CRYBG3: variants seen among roughly 807,000 people sequenced by gnomAD.
CRYBG3 encodes the protein very large A-kinase anchor protein.
Under a neutral mutation model 244.2 loss-of-function variants are expected in CRYBG3, and 127 were observed. That is an observed-to-expected ratio of 0.52 (90% confidence interval 0.45 to 0.60). CRYBG3 has a LOEUF of 0.60. Among genes scored for constraint, CRYBG3 ranks in the 20% least tolerant of loss-of-function variants. CRYBG3 has a pLI of 0.00. For missense variants in CRYBG3, 3,325 were observed against 3,442.5 expected, an observed-to-expected ratio of 0.97 and a Z score of 0.85; for synonymous variants, 1,132 against 1,195.8, an observed-to-expected ratio of 0.95 and a Z score of 1.10.
chr3:97,892,765 AT>A (rs1261135786), intron 10 of CRYBG3, 94 bp from the exon 11 acceptor site: 24 of 579,004 alleles, frequency 4.1e-5, no homozygotes, highest in African/African-American at 1.6e-4. Flanking sequence ...TTAAAAAAAA[AT>A]AGATAGTAGT....
chr3:97,943,157 G>T, intron 21 of CRYBG3, 69 bp from the exon 22 acceptor site: 1 of 840,092 alleles, frequency 1.2e-6, no homozygotes, highest in Non-Finnish European at 2.0e-6. Flanking sequence ...ACAGAAGCTT[G>T]TGAAAATTGT....
chr3:97,900,527 A>G, intron 15 of CRYBG3, 42 bp downstream of exon 15: 1 of 1,228,986 alleles, frequency 8.1e-7, no homozygotes. Flanking sequence ...ATTGTTTACT[A>G]AAAGCATTTA....
At chr3:97,905,896 T>A (rs1408369643) in intron 15 of CRYBG3, among the ~76,000 whole-genome samples, 1 of 144,078 alleles carries the variant, frequency 6.9e-6, no homozygotes, top group Non-Finnish European at 1.5e-5. Flanking sequence ...TTTAAGTCTT[T>A]AATCCATCTT....
chr3:97,871,953 C>G lies in CRYBG3; in HGVS notation c.759C>G (p.Thr253=). Residue 253 remains threonine, a synonymous_variant, in exon 4 of 22, where the codon ACC becomes ACG. Coordinates refer to ENST00000389622, the MANE Select transcript of CRYBG3 (RefSeq NM_153605.4). ...AGACAGGCTTGGCAACTGTGAATACCTTGGACAGAGAAAATGAAAGTTCTG... is the reference window on the plus strand; with the variant it reads ...AGACAGGCTTGGCAACTGTGAATACGTTGGACAGAGAAAATGAAAGTTCTG... ...KQQTGLATVN[T]LDRENESSDS... is the part of the protein sequence containing the mutation. The G allele has an allele frequency of 6.5e-7, 1 of 1,535,788 alleles. No individual in the cohort carries two copies. Among genetic ancestry groups the G allele is most frequent in the South Asian group, 1.2e-5 (1 of 84,038 alleles).
At chr3:97,834,626 G>C (rs1233244834) in intron 1 of CRYBG3, among the ~76,000 whole-genome samples, 1 of 152,124 alleles carries the variant, frequency 6.6e-6, no homozygotes, top group Non-Finnish European at 1.5e-5. Flanking sequence ...GCATTCACAG[G>C]ATGGAAGGAT....
chr3:97,824,845 G>T (rs543040956), intron 1 of CRYBG3, among the ~76,000 whole-genome samples: 1 of 152,264 alleles, frequency 6.6e-6, no homozygotes, highest in African/African-American at 2.4e-5. Flanking sequence ...AACTCCCAGA[G>T]TTCTGTGGAT....
At chr3:97,852,370 T>C (rs1385521860) in intron 2 of CRYBG3, among the ~76,000 whole-genome samples, 3 of 152,112 alleles carry the variant, frequency 2.0e-5, no homozygotes, top group Admixed American at 6.6e-5. Flanking sequence ...ACACATCATA[T>C]AAGATCAGGA....
chr3:97,909,794 A>C (rs1235998628), intron 15 of CRYBG3, among the ~76,000 whole-genome samples: 25 of 149,696 alleles, frequency 1.7e-4, no homozygotes, highest in African/African-American at 5.9e-4. Context: ...CTGGTGAGGA[A>C]CTGCGTTCCT....
At chr3:97,825,329 G>T (rs1345457700) in intron 1 of CRYBG3, among the ~76,000 whole-genome samples, 1 of 152,180 alleles carries the variant, frequency 6.6e-6, no homozygotes, top group Non-Finnish European at 1.5e-5. Flanking sequence ...GCTGTATCAT[G>T]CATGATGGAC....
intron 15 of CRYBG3, among the ~76,000 whole-genome samples, chr3:97,902,833 T>A (rs553586465): frequency 1.3e-4 from 20 of 152,320 alleles, no homozygotes; most frequent in East Asian, 1.2e-3. Context: ...TGACTTTTTT[T>A]AATTTTTCCC....
At chr3:97,913,004 C>T (rs941778983) in intron 16 of CRYBG3, among the ~76,000 whole-genome samples, 1 of 152,008 alleles carries the variant, frequency 6.6e-6, no homozygotes, top group Non-Finnish European at 1.5e-5. Flanking sequence ...TTTAAAATAT[C>T]TTAGGTTTGT....
chr3:97,856,908 G>C (rs1308390637), intron 2 of CRYBG3, among the ~76,000 whole-genome samples: 1 of 151,894 alleles, frequency 6.6e-6, no homozygotes, highest in Non-Finnish European at 1.5e-5. Flanking sequence ...ATTTATTTCT[G>C]CTCTGATTAT....
chr3:97,899,306 G>C, intron 14 of CRYBG3, 43 bp downstream of exon 14: 1 of 1,572,456 alleles, frequency 6.4e-7, no homozygotes, highest in Non-Finnish European at 8.6e-7. Context: ...TCATGTAATA[G>C]TATGCAATTA....
In CRYBG3 at chr3:97,912,838, G is replaced by T. The variant is rs545951258; in HGVS notation, c.8114+562G>T. Among the ~76,000 whole-genome samples the T allele has an allele frequency of 6.6e-5, 10 of 151,988 alleles. No individual in the cohort carries two copies. The South Asian group carries it at 1.7e-3, about 25-fold the overall frequency. On this transcript the variant is annotated intron_variant, in intron 16 of 21. Coordinates refer to ENST00000389622, the MANE Select transcript of CRYBG3 (RefSeq NM_153605.4). The stretch of plus-strand genomic sequence containing the variant: ...TTCACGTGTATATGAAACTACATGT[G>T]ATTCCCATGGCTAAAATATATTCTA...
At chr3:97,879,680 A>G (rs756867024) in intron 4 of CRYBG3, 24 bp from the exon 5 acceptor site, 1 of 1,563,418 alleles carries the variant, frequency 6.4e-7, no homozygotes, top group Non-Finnish European at 8.7e-7. Context: ...CTTAAAGCTT[A>G]CTTTTCCACT....
rs552381812 is a variant in CRYBG3, at chr3:97,890,645, G to A, written c.7440+1255G>A. ...CTGTGCAAACCTAACATGGAAAAGT[G>A]CAGGATTGGTACTATATATTGTTTC... On this transcript the variant is annotated intron_variant, in intron 10 of 21. Transcript: ENST00000389622. Among the ~76,000 whole-genome samples, 16 of 152,252 alleles carry A rather than the reference G, an allele frequency of 1.1e-4. No individual in the cohort carries two copies. The South Asian group carries it at 2.3e-3, about 22-fold the overall frequency.
intron 3 of CRYBG3, among the ~76,000 whole-genome samples, chr3:97,866,821 T>A (rs917367928): frequency 1.3e-5 from 2 of 152,202 alleles, no homozygotes; most frequent in African/African-American, 4.8e-5. Flanking sequence ...ATAGAATAAT[T>A]GCTTAAGGCA....
In CRYBG3 at chr3:97,832,657, G is replaced by A. The variant is rs186193091; in HGVS notation, c.149+10302G>A. ...GCAATACCATTCAGGACATAGACATGGACAAAGACTTCCTGACTAAAACAC... is the reference window on the plus strand; with the variant it reads ...GCAATACCATTCAGGACATAGACATAGACAAAGACTTCCTGACTAAAACAC... On this transcript the variant is annotated intron_variant, in intron 1 of 21. Coordinates refer to ENST00000389622, the MANE Select transcript of CRYBG3 (RefSeq NM_153605.4). 1.4e-3 allele frequency among the ~76,000 whole-genome samples: 214 copies of A among 152,160 alleles called. 2 individuals carry two copies. Among genetic ancestry groups the A allele is most frequent in the Non-Finnish European group, 3.4e-4 (23 of 68,004 alleles).
intron 7 of CRYBG3, among the ~76,000 whole-genome samples, chr3:97,884,642 T>C (rs1027365643): frequency 1.3e-5 from 2 of 152,156 alleles, no homozygotes; most frequent in African/African-American, 4.8e-5. Flanking sequence ...TGGCTTGCAG[T>C]TGCTCGTGTT....
Sources: gnomAD v4.1 joint callset for allele counts (sites outside exome capture counted in the v4.1 genomes callset) on GRCh38, gnomAD v4.1.1 for gene constraint, MANE v1.5 for transcripts, NCBI Gene and HGNC (gene_info 2026-07-23, HGNC 2026-07-21) for gene names.